The following LONRF3 variants were observed in gnomAD, a reference collection of about 807,000 sequenced individuals.
LONRF3 encodes LON peptidase N-terminal domain and ring finger 3, also known as LON peptidase N-terminal domain and RING finger protein 3.
Under a neutral mutation model 51.7 loss-of-function variants are expected in LONRF3, and 19 were observed. The observed-to-expected ratio is 0.37, with a 90% CI of 0.26 to 0.54. LONRF3 has a LOEUF of 0.54. Among genes scored for constraint, LONRF3 ranks in the 20% least tolerant of loss-of-function variants. LONRF3 has a pLI of 0.86. For missense variants in LONRF3, 521 were observed against 623.9 expected (o/e 0.84, Z 1.76); for synonymous variants, 265 against 257.8 (o/e 1.03, Z -0.27).
chrX:118,983,440 CAGCTCCTTTGCTAGAAATAA>C (rs1922722789), intron 3 of LONRF3, among the ~76,000 whole-genome samples: 1 of 112,382 alleles, frequency 8.9e-6, no homozygotes, highest in East Asian at 2.8e-4. Context: ...CTCCAACCTT[CAGCTCCTTTGCTAGAAATAA>C]AACACACTGC....
intron 3 of LONRF3, chrX:118,987,040 C>A (rs748249161): frequency 1.7e-6 from 2 of 1,151,582 alleles, no homozygotes; most frequent in East Asian, 6.5e-5. Context: ...GAGTCAATGA[C>A]TACTGAAGTT....
In LONRF3 at chrX:119,008,517, C is replaced by T. The variant is rs989222645; in HGVS notation, c.1531-609C>T. On this transcript the variant is annotated intron_variant, in intron 6 of 10. Coordinates refer to ENST00000371628, the MANE Select transcript of LONRF3 (RefSeq NM_001031855.3). ...TCATGACTTTTAATCTCAGTGATACCTAGATGGTATATTAGAAAGGCAAAT... is the reference window on the plus strand; with the variant it reads ...TCATGACTTTTAATCTCAGTGATACTTAGATGGTATATTAGAAAGGCAAAT... Among the ~76,000 whole-genome samples the T allele has an allele frequency of 2.9e-4, 32 of 111,333 alleles. 1 individual carries two copies. The highest frequency in any genetic ancestry group is 7.7e-4 in the Admixed American group (8 of 10,435).
At chrX:118,983,072 G>A (rs766308233) in intron 3 of LONRF3, 129 bp downstream of exon 3, 74 of 624,360 alleles carry the variant, frequency 1.2e-4, no homozygotes, top group Middle Eastern at 5.3e-4. Flanking sequence ...CCTGGGTTAA[G>A]GGGACAAAAG....
Position 119,014,371 on chromosome X carries a change from C to A in LONRF3, c.2124+15C>A. 8.3e-7 allele frequency: 1 copy of A among 1,200,431 alleles called. No individual in the cohort carries two copies. The highest frequency in any genetic ancestry group is 1.7e-5 in the African/African-American group (1 of 57,458). On this transcript the variant is annotated intron_variant, in intron 10 of 10. Transcript: ENST00000371628. ...CCGATCCTCAGGTATAGAAAAATGT[C>A]TATTTTTAAACGGGTTGTCCCACTA...
At chrX:119,010,193 G>C (rs757217507) in intron 7 of LONRF3, among the ~76,000 whole-genome samples, 1 of 111,918 alleles carries the variant, frequency 8.9e-6, no homozygotes, top group Non-Finnish European at 1.9e-5. Flanking sequence ...GAGAGGTGAA[G>C]GGGAGGGGCA....
At position 119,011,927 on chromosome X, in the gene LONRF3, A is replaced by G; in HGVS notation, c.1765A>G (p.Thr589Ala). 8.3e-7 allele frequency: 1 copy of G among 1,211,905 alleles called. No homozygotes were observed. Among genetic ancestry groups the G allele is most frequent in the East Asian group, 3.0e-5 (1 of 33,853 alleles). ...CCTGATGATTCGTAGATGCATTGAG[A>G]CAGGCACGAGACAGTTTGGCATGTG... ...YRLMIRRCIE[T>A]GTRQFGMCLG... is the part of the protein sequence containing the mutation. Residue 589 changes from threonine (T) to alanine (A), a missense_variant, in exon 8 of 11, where the codon ACA (threonine) becomes GCA (alanine). Physicochemically the swap from Thr to Ala is moderately conservative, Grantham distance 58 (BLOSUM62 0). Coordinates refer to ENST00000371628, the MANE Select transcript of LONRF3 (RefSeq NM_001031855.3).
At chrX:118,984,850 T>G (rs755939103) in intron 3 of LONRF3, among the ~76,000 whole-genome samples, 1 of 112,313 alleles carries the variant, frequency 8.9e-6, no homozygotes, top group Non-Finnish European at 1.9e-5. Flanking sequence ...TACTAGATCA[T>G]TCCAGTTTCA....
At chrX:118,992,201 C>G (rs1349127898) in intron 5 of LONRF3, among the ~76,000 whole-genome samples, 2 of 111,626 alleles carry the variant, frequency 1.8e-5, no homozygotes, top group African/African-American at 6.5e-5. Flanking sequence ...CACAGTCCCT[C>G]TGAAGGAAGC....
At chrX:118,983,678 T>C (rs138266231) in intron 3 of LONRF3, among the ~76,000 whole-genome samples, 1 of 112,209 alleles carries the variant, frequency 8.9e-6, no homozygotes, top group Non-Finnish European at 1.9e-5. Context: ...GGCCTGTAAG[T>C]TGGATTCTGA....
chrX:118,989,322 G>A lies in LONRF3; in HGVS notation c.1060-86G>A, dbSNP rs1923238235. On this transcript the variant is annotated intron_variant, in intron 3 of 10. Transcript: ENST00000371628. ...TCGGGGTGGGGATCAGGACTCTATA[G>A]TTTCCCTTTGTTCCTCTGGGTAGGA... is the stretch of plus-strand genomic sequence containing the variant. 3.7e-6 allele frequency: 4 copies of A among 1,077,416 alleles called. No homozygotes were observed. The Admixed American group carries it at 7.8e-5, about 21-fold the overall frequency. 88.8% of individuals were successfully genotyped at this position (1,077,416 alleles called of 1,213,427 possible).
chrX:118,975,302 C>T lies in LONRF3; in HGVS notation c.522C>T (p.Gly174=). Residue 174 remains glycine (G), a synonymous_variant, in exon 1 of 11, where the codon GGC becomes GGT. Transcript: ENST00000371628. The part of the protein sequence containing the change: ...FLSDPVSLSC[G]HTFCKLCLER... Reference sequence around the variant, plus strand: ...CAGACCCCGTGTCCTTGTCGTGTGGCCACACCTTTTGTAAACTGTGCCTGG... The same window carrying T: ...CAGACCCCGTGTCCTTGTCGTGTGGTCACACCTTTTGTAAACTGTGCCTGG... 8.3e-7 allele frequency: 1 copy of T among 1,210,350 alleles called. No individual in the cohort carries two copies. Among genetic ancestry groups the T allele is most frequent in the Non-Finnish European group, 1.1e-6 (1 of 895,088 alleles).
chrX:118,994,062 C>T (rs923310320), intron 5 of LONRF3, among the ~76,000 whole-genome samples: 1 of 112,215 alleles, frequency 8.9e-6, no homozygotes, highest in Non-Finnish European at 1.9e-5. Flanking sequence ...CACAACAAAA[C>T]AGAACCTCTT....
At chrX:118,990,264 T>C (rs1449688914) in intron 4 of LONRF3, among the ~76,000 whole-genome samples, 1 of 111,877 alleles carries the variant, frequency 8.9e-6, no homozygotes, top group Non-Finnish European at 1.9e-5. Context: ...CTTGCATTTC[T>C]CTTTCTGTTG....
chrX:118,980,011 G>A (rs1180497283), intron 2 of LONRF3, among the ~76,000 whole-genome samples: 1 of 112,277 alleles, frequency 8.9e-6, no homozygotes, highest in Non-Finnish European at 1.9e-5. Flanking sequence ...TGAACCCCAA[G>A]TATCCTTGTT....
intron 5 of LONRF3, among the ~76,000 whole-genome samples, chrX:118,991,097 A>T (rs1923393984): frequency 9.0e-6 from 1 of 111,525 alleles, no homozygotes; most frequent in Non-Finnish European, 1.9e-5. Context: ...AGCTCAAGTG[A>T]TCTGCCTGCC....
chrX:119,005,195 T>A (rs900900044), intron 5 of LONRF3, among the ~76,000 whole-genome samples: 2 of 110,919 alleles, frequency 1.8e-5, no homozygotes, highest in African/African-American at 6.6e-5. Flanking sequence ...CAGGCAGGGG[T>A]CTTTCCCTTC....
At chrX:119,005,048 T>C (rs1424239316) in intron 5 of LONRF3, among the ~76,000 whole-genome samples, 1 of 112,394 alleles carries the variant, frequency 8.9e-6, no homozygotes, top group Non-Finnish European at 1.9e-5. Context: ...ACTTTTCAGC[T>C]GGCATGTTGC....
intron 1 of LONRF3, among the ~76,000 whole-genome samples, chrX:118,976,119 C>A (rs1169294483): frequency 8.9e-6 from 1 of 112,805 alleles, no homozygotes; most frequent in East Asian, 2.8e-4. Flanking sequence ...GTCCGGTCGG[C>A]GCCTGCGTCC....
chrX:118,989,540 G>C lies in LONRF3; in HGVS notation c.1192G>C (p.Glu398Gln). 2 of 1,211,484 alleles carry C rather than the reference G, an allele frequency of 1.7e-6. No individual in the cohort carries two copies. Among genetic ancestry groups the C allele is most frequent in the Non-Finnish European group, 2.2e-6 (2 of 895,460 alleles). Residue 398 changes from glutamate (E) to glutamine (Q), a missense_variant, in exon 4 of 11, where the codon GAG becomes CAG. Glu to Gln is a conservative substitution (Grantham distance 29). Transcript: ENST00000371628. Reference protein sequence around the residue: ...QHHMKDQEEEEEKWDATSPKA... With the variant: ...QHHMKDQEEEQEKWDATSPKA... ...CCACATGAAAGACCAGGAAGAAGAG[G>C]AGGAGAAGTGGGATGCTACCTCTCC...
Sources: gnomAD v4.1 joint callset for allele counts (sites outside exome capture counted in the v4.1 genomes callset) on GRCh38, gnomAD v4.1.1 for gene constraint, MANE v1.5 for transcripts, NCBI Gene and HGNC (gene_info 2026-07-23, HGNC 2026-07-21) for gene names.